PIP4K2A: variants seen among roughly 807,000 people sequenced by gnomAD.
The protein encoded by PIP4K2A is phosphatidylinositol-5-phosphate 4-kinase type 2 alpha, also known as phosphatidylinositol 5-phosphate 4-kinase type-2 alpha.
PIP4K2A carries 14 observed loss-of-function variants against 42.9 expected under a neutral mutation model. The ratio of observed to expected loss-of-function variants is 0.33; its 90% confidence interval spans 0.22 to 0.51. PIP4K2A has a LOEUF of 0.51. PIP4K2A is among the 20% of genes least tolerant of loss of function. PIP4K2A has a pLI of 0.97. For synonymous variants in PIP4K2A, 192 were observed against 192.2 expected (o/e 1.00, Z 0.01); for missense variants, 434 against 519.8 (o/e 0.83, Z 1.61).
chr10:22,669,777 G>A (rs191858066), intron 1 of PIP4K2A, among the ~76,000 whole-genome samples: 7 of 152,044 alleles, frequency 4.6e-5, no homozygotes, highest in East Asian at 1.9e-4. Flanking sequence ...TTTACCAACC[G>A]TTTTTTGCTA....
chr10:22,659,083 C>T (rs951859968), intron 1 of PIP4K2A, among the ~76,000 whole-genome samples: 1 of 152,242 alleles, frequency 6.6e-6, no homozygotes, highest in African/African-American at 2.4e-5. Context: ...CAAACCACCA[C>T]CCCTCTGGCC....
At chr10:22,628,528 G>A (rs374892011) in intron 1 of PIP4K2A, among the ~76,000 whole-genome samples, 20 of 152,334 alleles carry the variant, frequency 1.3e-4, no homozygotes, top group African/African-American at 4.8e-4. Context: ...AACGGCTCAT[G>A]ACAGAGCCTT....
chr10:22,622,394 G>A (rs1564446483), intron 1 of PIP4K2A, among the ~76,000 whole-genome samples: 1 of 152,212 alleles, frequency 6.6e-6, no homozygotes, highest in Non-Finnish European at 1.5e-5. Flanking sequence ...GAAGCTTCGG[G>A]CACGGGAAGA....
chr10:22,650,300 C>A (rs1269745380), intron 1 of PIP4K2A, among the ~76,000 whole-genome samples: 3 of 152,118 alleles, frequency 2.0e-5, no homozygotes, highest in Non-Finnish European at 4.4e-5. Context: ...GTCACCCAGA[C>A]TGGAGTATAT....
chr10:22,629,988 G>A (rs938368512), intron 1 of PIP4K2A, among the ~76,000 whole-genome samples: 2 of 152,120 alleles, frequency 1.3e-5, no homozygotes, highest in African/African-American at 4.8e-5. Flanking sequence ...TTGGTTGACT[G>A]GACTAGCTAC....
Position 22,550,736 on chromosome 10 carries a change from T to C in PIP4K2A, c.715A>G (p.Ile239Val). The change falls in exon 7 of 10, where the codon ATT (isoleucine) becomes GTT (valine). Residue 239 changes from isoleucine (I) to valine (V), a missense_variant. Physicochemically the swap from Ile to Val is conservative, Grantham distance 29 (BLOSUM62 3). Around this residue, in one of 2 missense-constraint regions of PIP4K2A, gnomAD observed 395 missense variants for 444.5 expected, o/e 0.89. Transcript: ENST00000376573. ...ATATAAATCTTTTGGCCCTCATTAA[T>C]GAAATCATTATCTTTCAGAGTTGGC... ...ELPTLKDNDF[I>V]NEGQKIYIDD... 6.2e-7 allele frequency: 1 copy of C among 1,606,928 alleles called. No homozygotes were observed. The highest frequency in any genetic ancestry group is 1.7e-4 in the Middle Eastern group (1 of 6,046).
chr10:22,653,261 G>T (rs921981983), intron 1 of PIP4K2A, among the ~76,000 whole-genome samples: 16 of 152,120 alleles, frequency 1.1e-4, no homozygotes, highest in Non-Finnish European at 2.2e-4. Flanking sequence ...CTCAGGTGGG[G>T]GGCAGTACGT....
intron 4 of PIP4K2A, among the ~76,000 whole-genome samples, chr10:22,585,340 C>T (rs921852880): frequency 3.9e-5 from 6 of 152,048 alleles, no homozygotes; most frequent in African/African-American, 1.4e-4. Flanking sequence ...TGGGGCAAAA[C>T]TTCTGGATTC....
chr10:22,634,043 A>C (rs1838609937), intron 1 of PIP4K2A, among the ~76,000 whole-genome samples: 1 of 152,344 alleles, frequency 6.6e-6, no homozygotes, highest in Middle Eastern at 3.4e-3. Flanking sequence ...TTGAAAACAA[A>C]ATGTAGTTAA....
At chr10:22,696,252 A>G (rs1290824176) in intron 1 of PIP4K2A, among the ~76,000 whole-genome samples, 1 of 152,188 alleles carries the variant, frequency 6.6e-6, no homozygotes, top group Non-Finnish European at 1.5e-5. Flanking sequence ...TACTTTCATA[A>G]AAGAACTGTG....
At chr10:22,573,585 G>C in intron 4 of PIP4K2A, 128 bp from the exon 5 acceptor site, 1 of 706,190 alleles carries the variant, frequency 1.4e-6, no homozygotes, top group Non-Finnish European at 2.3e-6. Context: ...CTTATTTACA[G>C]AAAATGACCA....
At chr10:22,560,949 G>A (rs891024035) in intron 6 of PIP4K2A, among the ~76,000 whole-genome samples, 5 of 152,182 alleles carry the variant, frequency 3.3e-5, no homozygotes, top group African/African-American at 1.2e-4. Flanking sequence ...CTGCTGAGTC[G>A]CTCGCTAGCA....
chr10:22,698,352 T>C (rs537304225), intron 1 of PIP4K2A, among the ~76,000 whole-genome samples: 2 of 152,334 alleles, frequency 1.3e-5, no homozygotes, highest in South Asian at 4.2e-4. Flanking sequence ...GCCACACTGC[T>C]AGGGTTATAA....
Position 22,596,120 on chromosome 10 carries a change from G to A in PIP4K2A, c.340-4339C>T, listed in dbSNP as rs184425693. 7.9e-3 allele frequency among the ~76,000 whole-genome samples: 1,130 copies of A among 142,362 alleles called. 12 individuals carry two copies. The highest frequency in any genetic ancestry group is 0.028 in the African/African-American group (1,065 of 38,350). 93.4% of individuals were successfully genotyped at this position (142,362 alleles called of 152,430 possible). The stretch of plus-strand genomic sequence containing the variant: ...CTCGGGAGGCTGAGGCAGGAGAATC[G>A]CTTGAACCTGGGAGGCGGAGGCTGC... On this transcript the variant is annotated intron_variant, in intron 3 of 9. Transcript: ENST00000376573.
At chr10:22,613,646 T>C (rs1485605528) in intron 1 of PIP4K2A, among the ~76,000 whole-genome samples, 1 of 152,006 alleles carries the variant, frequency 6.6e-6, no homozygotes, top group Non-Finnish European at 1.5e-5. Context: ...CTGCAGAATG[T>C]GGATGGACAA....
chr10:22,602,671 C>T (rs552948359), intron 3 of PIP4K2A, among the ~76,000 whole-genome samples: 1 of 152,142 alleles, frequency 6.6e-6, no homozygotes, highest in South Asian at 2.1e-4. Flanking sequence ...CTTCAAAGTC[C>T]CCATTAGCCC....
chr10:22,629,194 T>A (rs1245021147), intron 1 of PIP4K2A, among the ~76,000 whole-genome samples: 1 of 152,258 alleles, frequency 6.6e-6, no homozygotes, highest in Non-Finnish European at 1.5e-5. Flanking sequence ...CAAACACTTT[T>A]AAATTCACTG....
chr10:22,710,697 C>A (rs1247455852), intron 1 of PIP4K2A, among the ~76,000 whole-genome samples: 1 of 152,206 alleles, frequency 6.6e-6, no homozygotes, highest in Non-Finnish European at 1.5e-5. Context: ...CCAAACCCCT[C>A]AATACCTGAC....
chr10:22,547,851 C>G (rs1043808054), intron 7 of PIP4K2A, among the ~76,000 whole-genome samples: 6 of 152,286 alleles, frequency 3.9e-5, no homozygotes, highest in Middle Eastern at 3.4e-3. Flanking sequence ...ACGTGCAAAG[C>G]TATGTGGATG....
Sources: allele counts gnomAD v4.1 joint callset (sites outside exome capture counted in the v4.1 genomes callset), GRCh38; gene constraint gnomAD v4.1.1; regional missense constraint gnomAD v4.1.1; transcripts MANE v1.5; gene names NCBI Gene and HGNC (gene_info 2026-07-23, HGNC 2026-07-21).